The following PLXNA4 variants were observed in gnomAD, a reference collection of about 807,000 sequenced individuals.
PLXNA4 encodes the protein plexin-A4.
In PLXNA4, 44 loss-of-function variants were observed where a neutral mutation model predicts 191.8. That is an observed-to-expected ratio of 0.23 (90% confidence interval 0.18 to 0.29). The LOEUF (loss-of-function observed/expected upper bound fraction) is 0.29, where lower values mean the gene tolerates loss of function less well. PLXNA4 is among the 10% of genes least tolerant of loss of function. The pLI is 1.00. For missense variants in PLXNA4, 1,800 were observed against 2,488.8 expected (o/e 0.72, Z 5.89); for synonymous variants, 1,082 against 1,009.5 (o/e 1.07, Z -1.36).
rs71529758 is a variant in PLXNA4 at position 132,334,252 on chromosome 7, CTTTTTTT to C, written c.1372-36037_1372-36031del. 6.7e-4 allele frequency among the ~76,000 whole-genome samples: 51 copies of C among 75,608 alleles called. 1 individual carries two copies. The highest frequency in any genetic ancestry group is 6.2e-4 in the Non-Finnish European group (26 of 41,852). 49.6% of individuals were successfully genotyped at this position (75,608 alleles called of 152,430 possible). ...TTTCTTTTCTTTTCTTTCTTTCTTT[CTTTTTTT>C]TTTTTTTTTTTTTTTTGAGATAGGG... On this transcript the variant is annotated intron_variant, in intron 3 of 31. Transcript: ENST00000321063.
intron 3 of PLXNA4, among the ~76,000 whole-genome samples, chr7:132,302,985 T>G (rs1801365297): frequency 6.6e-6 from 1 of 152,078 alleles, no homozygotes; most frequent in South Asian, 2.1e-4. Flanking sequence ...CAAGCGATTC[T>G]CCTGCCTCAG....
intron 1 of PLXNA4, among the ~76,000 whole-genome samples, chr7:132,535,660 C>A (rs1376177578): frequency 6.6e-6 from 1 of 152,158 alleles, no homozygotes; most frequent in Non-Finnish European, 1.5e-5. Flanking sequence ...GAAAGTGTGA[C>A]CCCGAGAGAA....
At chr7:132,624,516 T>C (rs1307583238) in intron 2 of PLXNA4, among the ~76,000 whole-genome samples, 1 of 152,122 alleles carries the variant, frequency 6.6e-6, no homozygotes. Context: ...ATAGAGAGAA[T>C]GAGCAGATCA....
chr7:132,420,199 T>G (rs955449378), intron 3 of PLXNA4, among the ~76,000 whole-genome samples: 10 of 152,206 alleles, frequency 6.6e-5, no homozygotes, highest in African/African-American at 1.9e-4. Flanking sequence ...GCATGAATTC[T>G]AATGTATTTA....
At chr7:132,179,237 C>T (rs558183506) in intron 20 of PLXNA4, among the ~76,000 whole-genome samples, 38 of 149,676 alleles carry the variant, frequency 2.5e-4, no homozygotes, top group Middle Eastern at 3.6e-3. Flanking sequence ...CACACACACA[C>T]GCGCACACAG....
chr7:132,196,648 G>C (rs114202928), intron 13 of PLXNA4, among the ~76,000 whole-genome samples: 2,048 of 152,300 alleles, frequency 0.013, 37 homozygotes, highest in African/African-American at 0.047. Flanking sequence ...CTAGATGTGT[G>C]ATGGCCAGGC....
At chr7:132,505,022 G>A (rs1281335835) in intron 2 of PLXNA4, among the ~76,000 whole-genome samples, 1 of 152,238 alleles carries the variant, frequency 6.6e-6, no homozygotes, top group Non-Finnish European at 1.5e-5. Flanking sequence ...CTGATACTGT[G>A]CATTAAACAC....
chr7:132,524,048 T>G (rs528540422), intron 1 of PLXNA4, among the ~76,000 whole-genome samples: 8 of 152,280 alleles, frequency 5.3e-5, no homozygotes, highest in African/African-American at 1.9e-4. Flanking sequence ...CCTAGGAGGA[T>G]GCTAATGTCA....
Position 132,589,286 on chromosome 7 carries a change from C to T in PLXNA4, c.-87+56642G>A, listed in dbSNP as rs139783388. On this transcript the variant is annotated intron_variant, in intron 2 of 4. Transcript: ENST00000378539. ...TGTGGGATTGTGAGGGAGAGAGTGT[C>T]GATTTAGAATGCAATTCTTCTTGAT... Among the ~76,000 whole-genome samples the T allele has an allele frequency of 8.3e-4, 127 of 152,110 alleles. No individual in the cohort carries two copies. The South Asian group carries it at 8.7e-3, about 10-fold the overall frequency.
chr7:132,419,985 A>G (rs556364161), intron 3 of PLXNA4, among the ~76,000 whole-genome samples: 27 of 152,258 alleles, frequency 1.8e-4, no homozygotes, highest in South Asian at 6.2e-4. Flanking sequence ...ATCAGAGGTG[A>G]TCTGGATTTG....
intron 3 of PLXNA4, among the ~76,000 whole-genome samples, chr7:132,485,252 G>A (rs1195583821): frequency 3.3e-5 from 5 of 152,150 alleles, no homozygotes; most frequent in Admixed American, 1.3e-4. Flanking sequence ...CCAGAGTTCC[G>A]CTTAACCAAC....
At chr7:132,382,192 T>C (rs180692605) in intron 3 of PLXNA4, among the ~76,000 whole-genome samples, 6 of 152,298 alleles carry the variant, frequency 3.9e-5, no homozygotes, top group Admixed American at 3.9e-4. Flanking sequence ...GGAGGTCTCC[T>C]TCTTTCCCTG....
intron 3 of PLXNA4, among the ~76,000 whole-genome samples, chr7:132,323,966 G>A (rs1236261788): frequency 2.0e-5 from 3 of 152,100 alleles, no homozygotes; most frequent in Non-Finnish European, 4.4e-5. Context: ...TCACAAAATA[G>A]GCCTAAGGAT....
At chr7:132,461,850 G>A (rs10257730) in intron 3 of PLXNA4, among the ~76,000 whole-genome samples, 14,591 of 152,232 alleles carry the variant, frequency 0.096, 889 homozygotes, top group African/African-American at 0.18. Context: ...GTATCCAAGG[G>A]CTTAAATATT....
At chr7:132,396,936 C>T (rs959350905) in intron 3 of PLXNA4, among the ~76,000 whole-genome samples, 1 of 152,262 alleles carries the variant, frequency 6.6e-6, no homozygotes, top group Non-Finnish European at 1.5e-5. Flanking sequence ...ATAGAGCCTC[C>T]AGGGGCGGCC....
intron 1 of PLXNA4, among the ~76,000 whole-genome samples, chr7:132,525,149 T>G (rs541797873): frequency 9.8e-5 from 15 of 152,360 alleles, no homozygotes; most frequent in South Asian, 8.3e-4. Context: ...GTATCTCATA[T>G]GAGTGGGATC....
chr7:132,498,484 T>C lies in PLXNA4; in HGVS notation c.1189-9010A>G, dbSNP rs138469115. Among the ~76,000 whole-genome samples, 871 of 152,238 alleles carry C rather than the reference T, an allele frequency of 5.7e-3. 16 individuals are homozygous for C. The highest frequency in any genetic ancestry group is 0.02 in the African/African-American group (827 of 41,540). ...TATCCTCAGATCTCATAAGACTTAT[T>C]CACTATCACGAAAACAGCACAGGAA... On this transcript the variant is annotated intron_variant, in intron 2 of 31. Transcript: ENST00000321063.
intron 3 of PLXNA4, among the ~76,000 whole-genome samples, chr7:132,311,212 A>G (rs1801728828): frequency 8.7e-6 from 1 of 115,300 alleles, no homozygotes; most frequent in Admixed American, 9.7e-5. Flanking sequence ...GGCCTAAAGG[A>G]GGGTCAGAAG....
At chr7:132,395,382 G>A (rs1417239388) in intron 3 of PLXNA4, among the ~76,000 whole-genome samples, 1 of 152,232 alleles carries the variant, frequency 6.6e-6, no homozygotes, top group African/African-American at 2.4e-5. Context: ...TAGAGTCTGA[G>A]GCCCTGTGAG....
Sources: allele counts gnomAD v4.1 joint callset (sites outside exome capture counted in the v4.1 genomes callset), GRCh38; gene constraint gnomAD v4.1.1; transcripts MANE v1.5; gene names NCBI Gene and HGNC (gene_info 2026-07-23, HGNC 2026-07-21).